BCAS3: variants seen among roughly 807,000 people sequenced by gnomAD.
BCAS3 encodes the protein BCAS3 microtubule associated cell migration factor.
A neutral mutation model predicts 116.1 loss-of-function variants in BCAS3; 53 were observed. That is an observed-to-expected ratio of 0.46 (90% CI 0.37 to 0.57). The LOEUF (loss-of-function observed/expected upper bound fraction) is 0.57. Ranked by LOEUF, BCAS3 falls within the 20% of genes least tolerant of loss-of-function variation. The pLI is 0.00. For synonymous variants in BCAS3, 391 were observed against 408.2 expected (o/e 0.96, Z 0.51); for missense variants, 917 against 1,165.4 (o/e 0.79, Z 3.10).
At chr17:60,682,344 G>T (rs576794739) in intron 2 of BCAS3, among the ~76,000 whole-genome samples, 3 of 152,238 alleles carry the variant, frequency 2.0e-5, no homozygotes, top group African/African-American at 7.2e-5. Context: ...TCAGAATAAG[G>T]AGAGTGGCAA....
At position 61,333,476 on chromosome 17, in the gene BCAS3, A is replaced by G. The variant is rs2056456366; in HGVS notation, c.2426-34851A>G. Reference sequence around the variant, plus strand: ...CAATAGCTCACCCTCCTGTCCACTCACATTGTGGCGCCCCCGACCCTTGCC... The same window carrying G: ...CAATAGCTCACCCTCCTGTCCACTCGCATTGTGGCGCCCCCGACCCTTGCC... On this transcript the variant is annotated intron_variant, in intron 22 of 23. Transcript: ENST00000407086. The surrounding 1 kb of genome is among the most constrained non-coding windows in gnomAD (Gnocchi z 4.8). Among the ~76,000 whole-genome samples the G allele has an allele frequency of 6.6e-6, 1 of 151,774 alleles. No individual in the cohort carries two copies. The highest frequency in any genetic ancestry group is 6.6e-5 in the Admixed American group (1 of 15,190).
At position 61,346,957 on chromosome 17, in the gene BCAS3, G is replaced by A. The variant is rs1023575973; in HGVS notation, c.2426-21370G>A. The stretch of plus-strand genomic sequence containing the variant: ...TTGGTCACTTGGCACCTCTTCTCAT[G>A]TTGGTCTGAAATATGCCAGATCACT... On this transcript the variant is annotated intron_variant, in intron 22 of 23. Transcript: ENST00000407086. The surrounding 1 kb of genome is among the most constrained non-coding windows in gnomAD (Gnocchi z 5.4). 6.6e-6 allele frequency among the ~76,000 whole-genome samples: 1 copy of A among 152,220 alleles called. No individual in the cohort carries two copies. The highest frequency in any genetic ancestry group is 2.1e-4 in the South Asian group (1 of 4,828).
intron 14 of BCAS3, among the ~76,000 whole-genome samples, chr17:60,977,906 G>C (rs1443547891): frequency 6.9e-6 from 1 of 144,024 alleles, no homozygotes; most frequent in Non-Finnish European, 1.5e-5. Flanking sequence ...TATCATTGTT[G>C]GACATTTGGG....
Position 61,285,245 on chromosome 17 carries a change from G to GTGTGTGTGTGTGTGTGTT in BCAS3, c.2426-83069_2426-83068insGTGTTTGTGTGTGTGTGT, listed in dbSNP as rs2051646013. On this transcript the variant is annotated intron_variant, in intron 22 of 23. Transcript: ENST00000407086. The surrounding 1 kb of genome is among the most constrained non-coding windows in gnomAD (Gnocchi z 5.4). ...CTCCTCCTAGGTTGTGTGTGTGTGT[G>GTGTGTGTGTGTGTGTGTT]TGTGTGTGTGTGTTTCTTGCTAAAA... 6.6e-6 allele frequency among the ~76,000 whole-genome samples: 1 copy of GTGTGTGTGTGTGTGTGTT among 152,074 alleles called. No individual in the cohort carries two copies. Among genetic ancestry groups the GTGTGTGTGTGTGTGTGTT allele is most frequent in the African/African-American group, 2.4e-5 (1 of 41,396 alleles).
intron 5 of BCAS3, among the ~76,000 whole-genome samples, chr17:60,715,888 A>G (rs1208460355): frequency 6.6e-6 from 1 of 151,728 alleles, no homozygotes; most frequent in East Asian, 1.9e-4. Context: ...TTTGAGATGG[A>G]GTCTTGCTCT....
At chr17:60,970,979 T>C (rs542164525) in intron 14 of BCAS3, among the ~76,000 whole-genome samples, 2 of 152,340 alleles carry the variant, frequency 1.3e-5, no homozygotes, top group Non-Finnish European at 2.9e-5. Flanking sequence ...CAGTGGATAA[T>C]AGATGATACT....
intron 22 of BCAS3, among the ~76,000 whole-genome samples, chr17:61,121,703 G>A (rs2075796727): frequency 6.6e-6 from 1 of 152,206 alleles, no homozygotes; most frequent in Admixed American, 6.5e-5. Context: ...GTGAGCCTGT[G>A]TTATTATAAG....
At chr17:60,893,022 A>T (rs539165593) in intron 10 of BCAS3, among the ~76,000 whole-genome samples, 3 of 150,988 alleles carry the variant, frequency 2.0e-5, no homozygotes, top group Non-Finnish European at 3.0e-5. Flanking sequence ...GATGTTGAAC[A>T]TTTTTTTTTC....
chr17:61,322,820 G>GAGAGAC (rs2055366737), intron 22 of BCAS3, among the ~76,000 whole-genome samples: 1 of 130,468 alleles, frequency 7.7e-6, no homozygotes, highest in African/African-American at 3.1e-5. Context: ...GAGAGAGAGA[G>GAGAGAC]AGAGAGAGAC....
chr17:61,338,918 CAGAA>C (rs2056935205), intron 22 of BCAS3, among the ~76,000 whole-genome samples: 1 of 104,792 alleles, frequency 9.5e-6, no homozygotes, highest in Non-Finnish European at 2.0e-5. Context: ...AAAAAAAAAG[CAGAA>C]AGGAAAAACA....
intron 5 of BCAS3, among the ~76,000 whole-genome samples, chr17:60,723,711 C>CTTTTTTTTTTTTTTTTTTTTTTT (rs549083159): frequency 1.1e-5 from 1 of 88,872 alleles, no homozygotes; most frequent in Non-Finnish European, 2.2e-5. Context: ...CACTTTCTTT[C>CTTTTTTTTTTTTTTTTTTTTTTT]TTTTTTTTTT....
chr17:61,385,051 C>T (rs767262854), intron 23 of BCAS3, among the ~76,000 whole-genome samples: 7 of 152,226 alleles, frequency 4.6e-5, no homozygotes, highest in Middle Eastern at 3.2e-3. Flanking sequence ...CTGGCTCCAT[C>T]CCAGAGTGTG....
At chr17:61,100,415 C>A (rs1458586055) in intron 22 of BCAS3, among the ~76,000 whole-genome samples, 4 of 152,178 alleles carry the variant, frequency 2.6e-5, no homozygotes, top group Non-Finnish European at 2.9e-5. Flanking sequence ...CCAGAGAGAA[C>A]TTACTATGGT....
chr17:60,817,119 C>G (rs1322780424), intron 7 of BCAS3, among the ~76,000 whole-genome samples: 4 of 152,206 alleles, frequency 2.6e-5, no homozygotes, highest in Admixed American at 6.5e-5. Context: ...TTAACATACT[C>G]TCTCTTACTG....
At chr17:60,889,560 G>A (rs2056992143) in intron 9 of BCAS3, 135 bp from the exon 10 acceptor site, 2 of 692,322 alleles carry the variant, frequency 2.9e-6, no homozygotes, top group Admixed American at 2.6e-5. Flanking sequence ...ATAATGACTA[G>A]TGTTACAGGA....
At chr17:60,747,149 T>A (rs1182383886) in intron 5 of BCAS3, 49 bp from the exon 6 acceptor site, 2 of 1,310,302 alleles carry the variant, frequency 1.5e-6, no homozygotes, top group Non-Finnish European at 1.1e-6. Flanking sequence ...ATAATACTGT[T>A]GTGACCTTCA....
At chr17:60,947,099 T>C in intron 13 of BCAS3, 120 bp from the exon 14 acceptor site, 10 of 1,008,212 alleles carry the variant, frequency 9.9e-6, no homozygotes, top group Non-Finnish European at 1.4e-5. Flanking sequence ...TAAAGTTTCT[T>C]ATAGCCTTGG....
intron 6 of BCAS3, among the ~76,000 whole-genome samples, chr17:60,770,834 G>GGTTTTTTTTTTTTTTTTTTTTT (rs1568213393): frequency 1.3e-5 from 1 of 76,728 alleles, no homozygotes; most frequent in Non-Finnish European, 3.3e-5. Context: ...ACTGAAATTT[G>GGTTTTTTTTTTTTTTTTTTTTT]TTTTTTTTTT....
chr17:61,302,377 A>C lies in BCAS3; in HGVS notation c.2426-65950A>C, dbSNP rs3785859. On this transcript the variant is annotated intron_variant, in intron 22 of 23. Coordinates refer to ENST00000407086, the MANE Select transcript of BCAS3 (RefSeq NM_017679.5). This position sits in a 1 kb window ranked among gnomAD's most constrained non-coding sequence, Gnocchi z 4.4. ...AATGTGAAAATTGGTACCATCTAAT[A>C]GAATCTTCAACATGCTAACCACACT... Among the ~76,000 whole-genome samples, 70,918 of 152,092 alleles carry C rather than the reference A, an allele frequency of 0.47. 18,385 individuals are homozygous for C. The highest frequency in any genetic ancestry group is 0.72 in the East Asian group (3,718 of 5,170).
Sources: allele counts gnomAD v4.1 joint callset (sites outside exome capture counted in the v4.1 genomes callset), GRCh38; gene constraint gnomAD v4.1.1; non-coding constraint Gnocchi (gnomAD v3.1); transcripts MANE v1.5; gene names NCBI Gene and HGNC (gene_info 2026-07-23, HGNC 2026-07-21).